Variants in BCL7C observed in about 807,000 individuals in gnomAD.
BCL7C encodes the protein B-cell CLL/lymphoma 7 protein family member C.
A neutral mutation model predicts 26.2 loss-of-function variants in BCL7C; 8 were observed. That is an observed-to-expected ratio of 0.30 (90% CI 0.18 to 0.55). The LOEUF (loss-of-function observed/expected upper bound fraction) is 0.55. Among genes scored for constraint, BCL7C ranks in the 20% least tolerant of loss-of-function variants. The pLI is 0.93. For synonymous variants in BCL7C, 90 were observed against 116.5 expected (o/e 0.77, Z 1.47); for missense variants, 262 against 298.5 (o/e 0.88, Z 0.90).
intron 5 of BCL7C, among the ~76,000 whole-genome samples, chr16:30,879,069 C>T (rs888820636): frequency 2.4e-4 from 37 of 152,156 alleles, no homozygotes; most frequent in Admixed American, 1.4e-3. Context: ...GAAAAGGGTC[C>T]GGAAGCCCCA....
intron 5 of BCL7C, among the ~76,000 whole-genome samples, chr16:30,880,973 G>A (rs1165272481): frequency 2.0e-5 from 3 of 152,010 alleles, no homozygotes; most frequent in East Asian, 1.9e-4. Context: ...GTGAGCCACC[G>A]CACCTGGCAC....
At chr16:30,887,728 G>C (rs1203997429), downstream of BCL7C, 6 of 1,378,696 alleles carry the variant, frequency 4.4e-6, no homozygotes, top group Admixed American at 1.6e-4. Flanking sequence ...CTGAGCAATG[G>C]TGCATGAGAC....
At chr16:30,892,466 G>A (rs948010373) in intron 4 of BCL7C, 120 bp downstream of exon 4, 26 of 959,920 alleles carry the variant, frequency 2.7e-5, no homozygotes, top group African/African-American at 6.6e-5. Context: ...TGCAGGAGTC[G>A]GAAGGCGCCT....
At chr16:30,888,816 A>G (rs1369698072) in intron 5 of BCL7C, 44 bp downstream of exon 5, 2 of 1,590,014 alleles carry the variant, frequency 1.3e-6, no homozygotes, top group Non-Finnish European at 8.6e-7. Flanking sequence ...CAGATCCCCC[A>G]TTCCCTCCAA....
chr16:30,835,931 AG>A (rs911964653), intron 5 of BCL7C, among the ~76,000 whole-genome samples: 30 of 151,884 alleles, frequency 2.0e-4, no homozygotes, highest in African/African-American at 6.3e-4. Flanking sequence ...CAAACAAAGC[AG>A]GATGATCTCT....
chr16:30,893,839 C>T lies in BCL7C; in HGVS notation c.92+14G>A, dbSNP rs758090967. On this transcript the variant is annotated intron_variant, in intron 1 of 5. Transcript: ENST00000215115. This position sits in a 1 kb window ranked among gnomAD's most constrained non-coding sequence, Gnocchi z 5.2. ...CCCGCTGTGTCCCGTCCCTGGCCCC[C>T]GAGCAGCGCTCACCATCTCCGGACC... is the stretch of plus-strand genomic sequence containing the variant. 1.6e-4 allele frequency: 258 copies of T among 1,596,990 alleles called. No homozygotes were observed. Among genetic ancestry groups the T allele is most frequent in the Non-Finnish European group, 2.1e-4 (248 of 1,176,812 alleles).
chr16:30,855,769 G>T (rs2054715035), intron 5 of BCL7C, among the ~76,000 whole-genome samples: 1 of 151,730 alleles, frequency 6.6e-6, no homozygotes, highest in Admixed American at 6.6e-5. Flanking sequence ...TATTTAAAAA[G>T]AAAAGAAAGG....
At chr16:30,837,107 TA>T (rs959261287) in intron 5 of BCL7C, among the ~76,000 whole-genome samples, 1 of 151,928 alleles carries the variant, frequency 6.6e-6, no homozygotes, top group African/African-American at 2.4e-5. Context: ...TCCATCTCTT[TA>T]AAAAATTTTT....
intron 5 of BCL7C, among the ~76,000 whole-genome samples, chr16:30,847,107 C>T (rs2054641341): frequency 6.6e-6 from 1 of 152,234 alleles, no homozygotes; most frequent in Non-Finnish European, 1.5e-5. Context: ...AAGCCTAAAA[C>T]AATCTCTGAC....
chr16:30,888,261 T>G (rs906799578), intron 5 of BCL7C, among the ~76,000 whole-genome samples: 1 of 152,248 alleles, frequency 6.6e-6, no homozygotes, highest in Non-Finnish European at 1.5e-5. Flanking sequence ...AATTTTCTTA[T>G]GCTAATTATA....
intron 5 of BCL7C, among the ~76,000 whole-genome samples, chr16:30,880,827 T>C (rs1248648521): frequency 6.6e-6 from 1 of 152,062 alleles, no homozygotes; most frequent in African/African-American, 2.4e-5. Context: ...GCCTCCCAAG[T>C]AGCTGGAACT....
At chr16:30,862,512 C>T (rs1221586148) in intron 5 of BCL7C, among the ~76,000 whole-genome samples, 3 of 151,814 alleles carry the variant, frequency 2.0e-5, no homozygotes, top group East Asian at 1.9e-4. Context: ...AATATTGTAA[C>T]GACCTTCTAC....
intron 5 of BCL7C, among the ~76,000 whole-genome samples, chr16:30,856,566 G>T (rs528615722): frequency 1.3e-5 from 2 of 151,940 alleles, no homozygotes; most frequent in Non-Finnish European, 2.9e-5. Flanking sequence ...TAATTCAGTC[G>T]CATCTGTATT....
intron 5 of BCL7C, among the ~76,000 whole-genome samples, chr16:30,881,456 G>A (rs532445907): frequency 2.6e-5 from 4 of 151,224 alleles, no homozygotes; most frequent in African/African-American, 9.7e-5. Flanking sequence ...ACCTAAGTCT[G>A]ATTATGCTTT....
intron 5 of BCL7C, among the ~76,000 whole-genome samples, chr16:30,857,001 A>G (rs1042513755): frequency 3.9e-5 from 6 of 152,180 alleles, no homozygotes; most frequent in Non-Finnish European, 8.8e-5. Context: ...GTGATGTTAA[A>G]CAGTTGTCAC....
chr16:30,851,280 G>A (rs182018883), intron 5 of BCL7C: 32 of 238,064 alleles, frequency 1.3e-4, no homozygotes, highest in African/African-American at 6.0e-4. Context: ...TCACTCTGTC[G>A]CCCAGGCTGG....
rs111337799 is a variant in BCL7C at position 30,866,913 on chromosome 16, G to A, written c.528+21947C>T. Among the ~76,000 whole-genome samples, 260 of 152,230 alleles carry A rather than the reference G, an allele frequency of 1.7e-3. 1 individual carries two copies. The highest frequency in any genetic ancestry group is 6.1e-3 in the African/African-American group (254 of 41,516). ...TACAAAAAGTTTAAAAATCAGCTGA[G>A]CATGGTGGTGCACACCTGTAGTCCC... On this transcript the variant is annotated intron_variant, in intron 5 of 5. Coordinates refer to the BCL7C transcript ENST00000380317.
At chr16:30,891,625 G>A (rs902175239) in intron 4 of BCL7C, among the ~76,000 whole-genome samples, 7 of 152,022 alleles carry the variant, frequency 4.6e-5, no homozygotes, top group African/African-American at 1.7e-4. Context: ...TATTTACTGA[G>A]CACCTACTAT....
At chr16:30,843,426 T>C (rs561917557) in intron 5 of BCL7C, among the ~76,000 whole-genome samples, 1 of 152,046 alleles carries the variant, frequency 6.6e-6, no homozygotes, top group African/African-American at 2.4e-5. Flanking sequence ...CTAGGCGTAG[T>C]GGCACATGCC....
Sources: allele counts gnomAD v4.1 joint callset (sites outside exome capture counted in the v4.1 genomes callset), GRCh38; gene constraint gnomAD v4.1.1; non-coding constraint Gnocchi (gnomAD v3.1); transcripts MANE v1.5; gene names NCBI Gene and HGNC (gene_info 2026-07-23, HGNC 2026-07-21).